The following CSMD1 variants were observed in gnomAD, a reference collection of about 807,000 sequenced individuals.
CSMD1 encodes the protein CUB and Sushi multiple domains 1, also known as CUB and sushi domain-containing protein 1.
Under a neutral mutation model 417.5 loss-of-function variants are expected in CSMD1, and 213 were observed. That is an observed-to-expected ratio of 0.51 (90% CI 0.46 to 0.57). The LOEUF is 0.57. CSMD1 is among the 20% of genes least tolerant of loss of function. The probability of loss-of-function intolerance (pLI) is 0.00; values close to 1 mark genes in which losing one functional copy is unlikely to be tolerated. For synonymous variants in CSMD1, 2,862 were observed against 1,736.8 expected (o/e 1.65, Z -16.11); for missense variants, 6,923 against 4,529.7 (o/e 1.53, Z -15.17).
intron 50 of CSMD1, among the ~76,000 whole-genome samples, chr8:3,041,693 G>C (rs933389244): frequency 2.8e-4 from 43 of 152,168 alleles, no homozygotes; most frequent in African/African-American, 9.7e-4. Flanking sequence ...TATACATTTA[G>C]AACTGTTAAA....
Position 4,466,794 on chromosome 8 carries a change from A to G in CSMD1, c.303-46729T>C, listed in dbSNP as rs184539201. ...ATGAGAATACCACCAACTGAAATCC[A>G]TAGAAAAATAACAAGCCATTTAAAA... On this transcript the variant is annotated intron_variant, in intron 2 of 69. Coordinates refer to ENST00000635120, the MANE Select transcript of CSMD1 (RefSeq NM_033225.6). Among the ~76,000 whole-genome samples, 376 of 152,336 alleles carry G rather than the reference A, an allele frequency of 2.5e-3. 2 individuals carry two copies. The highest frequency in any genetic ancestry group is 7.8e-3 in the African/African-American group (326 of 41,578).
At chr8:3,924,876 T>A (rs2627401) in intron 5 of CSMD1, among the ~76,000 whole-genome samples, 4,412 of 152,320 alleles carry the variant, frequency 0.029, 215 homozygotes, top group African/African-American at 0.1. Context: ...TCTTTAGGGT[T>A]TGGTACTGGT....
In CSMD1 at chr8:4,637,564, A is replaced by G; in HGVS notation, c.86-6T>C. On this transcript the variant is annotated splice_region_variant and splice_polypyrimidine_tract_variant and intron_variant, in intron 1 of 69. Coordinates refer to ENST00000635120, the MANE Select transcript of CSMD1 (RefSeq NM_033225.6). ...TAAGCCTCCACAGTTCTGACCTGGA[A>G]GAGAAAACACACACAAAAAAGCATA... 6.2e-7 allele frequency: 1 copy of G among 1,600,862 alleles called. No individual in the cohort carries two copies. The highest frequency in any genetic ancestry group is 8.6e-7 in the Non-Finnish European group (1 of 1,168,720).
At chr8:4,378,329 A>G (rs1802884555) in intron 3 of CSMD1, among the ~76,000 whole-genome samples, 3 of 152,228 alleles carry the variant, frequency 2.0e-5, no homozygotes, top group African/African-American at 4.8e-5. Flanking sequence ...CTGTTTTTGA[A>G]CTTTGACATT....
At chr8:4,684,634 T>C (rs1459037406) in intron 1 of CSMD1, among the ~76,000 whole-genome samples, 2 of 152,188 alleles carry the variant, frequency 1.3e-5, no homozygotes, top group African/African-American at 4.8e-5. Context: ...ATGATATTAA[T>C]TGAATGTAAG....
rs532108299 is a variant in CSMD1, at chr8:4,204,075, T to G, written c.416-171976A>C. Among the ~76,000 whole-genome samples the G allele has an allele frequency of 1.4e-3, 213 of 152,296 alleles. 1 individual carries two copies. The highest frequency in any genetic ancestry group is 4.8e-3 in the African/African-American group (199 of 41,564). ...GAGATTGTGCCACTGTACTCCAGCC[T>G]GGGTGACAGAACAAGACTCTGTCTC... On this transcript the variant is annotated intron_variant, in intron 3 of 69. Coordinates refer to ENST00000635120, the MANE Select transcript of CSMD1 (RefSeq NM_033225.6).
chr8:3,433,536 G>C (rs893584906), intron 12 of CSMD1, among the ~76,000 whole-genome samples: 1 of 152,112 alleles, frequency 6.6e-6, no homozygotes, highest in Non-Finnish European at 1.5e-5. Context: ...TAATGACCAT[G>C]GTTCTTTCGG....
At position 3,552,350 on chromosome 8, in the gene CSMD1, A is replaced by G. The variant is rs371545522; in HGVS notation, c.1344+22595T>C. On this transcript the variant is annotated intron_variant, in intron 10 of 69. Coordinates refer to ENST00000635120, the MANE Select transcript of CSMD1 (RefSeq NM_033225.6). The stretch of plus-strand genomic sequence containing the variant: ...TTCTCTTTTTTTTTGCATATTTCTA[A>G]ATTAAAGAAAACTAAATCTCCATGA... 2.9e-3 allele frequency among the ~76,000 whole-genome samples: 443 copies of G among 152,328 alleles called. 1 individual carries two copies. The highest frequency in any genetic ancestry group is 0.01 in the African/African-American group (425 of 41,572).
At chr8:3,707,781 C>G (rs1335977942) in intron 7 of CSMD1, among the ~76,000 whole-genome samples, 1 of 152,144 alleles carries the variant, frequency 6.6e-6, no homozygotes, top group South Asian at 2.1e-4. Context: ...TGACCCAGTC[C>G]AGGCATGGTC....
intron 7 of CSMD1, among the ~76,000 whole-genome samples, chr8:3,645,908 T>C (rs903041133): frequency 3.9e-5 from 6 of 152,208 alleles, no homozygotes; most frequent in Non-Finnish European, 5.9e-5. Flanking sequence ...ATTTTCTAAA[T>C]GTTTCCCCTT....
rs184141076 is a variant in CSMD1 at position 3,810,656 on chromosome 8, T to C, written c.819-56614A>G. Among the ~76,000 whole-genome samples, 3 of 152,328 alleles carry C rather than the reference T, an allele frequency of 2.0e-5. No homozygotes were observed. In the East Asian group the frequency reaches 5.8e-4, roughly 29 times the overall value. ...CTGGAGTCTTTAGTTTATAAAACTT[T>C]GAGAAAGTAGCTTTTCTGGGATAGA... On this transcript the variant is annotated intron_variant, in intron 5 of 69. Coordinates refer to ENST00000635120, the MANE Select transcript of CSMD1 (RefSeq NM_033225.6).
At chr8:3,896,137 C>G (rs1438476130) in intron 5 of CSMD1, among the ~76,000 whole-genome samples, 1 of 152,054 alleles carries the variant, frequency 6.6e-6, no homozygotes, top group Non-Finnish European at 1.5e-5. Flanking sequence ...GTAACAAGCC[C>G]AATTTGATTC....
intron 50 of CSMD1, among the ~76,000 whole-genome samples, chr8:3,042,129 G>A (rs1200455694): frequency 6.6e-6 from 1 of 152,066 alleles, no homozygotes; most frequent in African/African-American, 2.4e-5. Context: ...AGGGTGATGG[G>A]GACAATTCTC....
chr8:4,976,062 G>C (rs1477466198), intron 1 of CSMD1, among the ~76,000 whole-genome samples: 1 of 152,166 alleles, frequency 6.6e-6, no homozygotes, highest in African/African-American at 2.4e-5. Context: ...AAGCATAAGT[G>C]TCAATAATTG....
At chr8:3,905,507 C>T (rs537085256) in intron 5 of CSMD1, among the ~76,000 whole-genome samples, 117 of 152,356 alleles carry the variant, frequency 7.7e-4, no homozygotes, top group South Asian at 2.7e-3. Flanking sequence ...CTCTGTGCAC[C>T]TGCTACCCAG....
intron 7 of CSMD1, among the ~76,000 whole-genome samples, chr8:3,656,075 C>A (rs942680903): frequency 1.3e-5 from 2 of 152,172 alleles, no homozygotes; most frequent in African/African-American, 2.4e-5. Flanking sequence ...TAATGCCCAG[C>A]ACCCCTGCTA....
At chr8:3,753,059 G>C (rs1797441801) in intron 6 of CSMD1, among the ~76,000 whole-genome samples, 2 of 152,196 alleles carry the variant, frequency 1.3e-5, no homozygotes, top group Admixed American at 6.5e-5. Context: ...AGTTCCTGCA[G>C]CATGGAGGAT....
chr8:4,339,467 G>A (rs774899923), intron 3 of CSMD1, among the ~76,000 whole-genome samples: 41 of 152,154 alleles, frequency 2.7e-4, no homozygotes, highest in Admixed American at 5.2e-4. Flanking sequence ...AAGCTACCGC[G>A]AAATGAGATA....
intron 1 of CSMD1, among the ~76,000 whole-genome samples, chr8:4,808,561 G>A (rs1798717128): frequency 6.6e-6 from 1 of 152,122 alleles, no homozygotes; most frequent in Non-Finnish European, 1.5e-5. Context: ...AACTTAATAT[G>A]TTCCTAGACA....
Sources: allele counts gnomAD v4.1 joint callset (sites outside exome capture counted in the v4.1 genomes callset), GRCh38; gene constraint gnomAD v4.1.1; transcripts MANE v1.5; gene names NCBI Gene and HGNC (gene_info 2026-07-23, HGNC 2026-07-21).